The following ERN2 variants were observed in gnomAD, a reference collection of about 807,000 sequenced individuals.
The protein encoded by ERN2 is serine/threonine-protein kinase/endoribonuclease IRE2.
Under a neutral mutation model 107.9 loss-of-function variants are expected in ERN2, and 111 were observed. The ratio of observed to expected loss-of-function variants is 1.03; its 90% CI spans 0.88 to 1.20. The LOEUF is 1.20. Among genes scored for constraint, ERN2 ranks in the 50% most tolerant of loss-of-function variants. The probability of loss-of-function intolerance (pLI) is 0.00; values close to 1 mark genes in which losing one functional copy is unlikely to be tolerated. For synonymous variants in ERN2, 524 were observed against 501.7 expected, an observed-to-expected ratio of 1.04 and a Z score of -0.59; for missense variants, 1,225 against 1,197.9, an observed-to-expected ratio of 1.02 and a Z score of -0.33.
At chr16:23,710,598 TGAAAA>T (rs1207384730) in intron 2 of ERN2, 49 bp from the exon 3 acceptor site, 2 of 1,600,360 alleles carry the variant, frequency 1.2e-6, no homozygotes, top group South Asian at 2.2e-5. Context: ...CAGACCCCAC[TGAAAA>T]GCACAGCTCA....
intron 11 of ERN2, 55 bp downstream of exon 11, chr16:23,702,097 T>TC (rs1001454306): frequency 1.2e-5 from 19 of 1,562,796 alleles, no homozygotes; most frequent in South Asian, 3.5e-5. Context: ...CAAGGGCTAT[T>TC]CCCCCCATCT....
At chr16:23,707,158 T>C (rs1960354454) in intron 4 of ERN2, 79 bp from the exon 5 acceptor site, 2 of 965,704 alleles carry the variant, frequency 2.1e-6, no homozygotes, top group East Asian at 2.4e-5. Context: ...CCCATTTCCA[T>C]AGCAACCAAT....
Position 23,702,451 on chromosome 16 carries a change from G to A in ERN2, c.1020C>T (p.Pro340=), listed in dbSNP as rs1185925022. ...CTGAGGGGTATCTAACAGCAGTGCT[G>A]GGTGAGCCCTCTCGCTCTCCTGAGA... ...LQVSGEREGS[P]STAVRYPSGS... Residue 340 remains proline (P), a synonymous_variant, in exon 10 of 22, where the codon CCC becomes CCT. Coordinates refer to ENST00000256797, the MANE Select transcript of ERN2 (RefSeq NM_033266.4). The A allele has an allele frequency of 5.0e-6, 8 of 1,613,414 alleles. No individual in the cohort carries two copies. Among genetic ancestry groups the A allele is most frequent in the Non-Finnish European group, 6.8e-6 (8 of 1,180,042 alleles).
Position 23,695,997 on chromosome 16 carries a change from G to T in ERN2, c.1526-19C>A. ...TGCTCAGCTGGGGGAGAGGAGGGTG[G>T]TGACTCAGGGAGCCTCTGCCCACCT... On this transcript the variant is annotated intron_variant, in intron 13 of 21. Coordinates refer to ENST00000256797, the MANE Select transcript of ERN2 (RefSeq NM_033266.4). 2 of 1,599,928 alleles carry T rather than the reference G, an allele frequency of 1.3e-6. 1 individual carries two copies. Among genetic ancestry groups the T allele is most frequent in the Middle Eastern group, 3.3e-4 (2 of 6,028 alleles).
In ERN2 at chr16:23,706,757, T is replaced by C. The variant is rs1161139948; in HGVS notation, c.484A>G (p.Thr162Ala). 6.2e-7 allele frequency: 1 copy of C among 1,603,908 alleles called. No individual in the cohort carries two copies. The highest frequency in any genetic ancestry group is 8.5e-7 in the Non-Finnish European group (1 of 1,174,254). ...GAACAGCTGGGGCCCAACTCACGTGTTCGGCCAATGTAGAGGCGGGGGGTG... is the reference window on the plus strand; with the variant it reads ...GAACAGCTGGGGCCCAACTCACGTGCTCGGCCAATGTAGAGGCGGGGGGTG... ...PSTPRLYIGR[T>A]QYTVTMHDPR... is the part of the protein sequence containing the mutation. The change falls in exon 6 of 22, where the codon ACA (threonine) becomes GCA (alanine). Residue 162 changes from threonine (T) to alanine (A), a missense_variant. Transcript: ENST00000256797.
Position 23,691,949 on chromosome 16 carries a change from G to A in ERN2, c.2376+14C>T. ...TAGGACTTTTGGGGGCCATTCCCAA[G>A]CTTTCCTTCTGACCTGGAAGAACTG... On this transcript the variant is annotated intron_variant, in intron 19 of 21. Coordinates refer to ENST00000256797, the MANE Select transcript of ERN2 (RefSeq NM_033266.4). 6.2e-7 allele frequency: 1 copy of A among 1,609,576 alleles called. No individual in the cohort carries two copies. Among genetic ancestry groups the A allele is most frequent in the South Asian group, 1.1e-5 (1 of 90,670 alleles).
At chr16:23,695,725 A>C (rs12933878) in intron 14 of ERN2, among the ~76,000 whole-genome samples, 169 bp downstream of exon 14, 1 of 146,682 alleles carries the variant, frequency 6.8e-6, no homozygotes, top group African/African-American at 2.5e-5. Flanking sequence ...CAAGACTCAA[A>C]AAAAAAAAAA....
intron 8 of ERN2, among the ~76,000 whole-genome samples, chr16:23,704,033 G>A (rs1280972765): frequency 6.6e-6 from 1 of 152,196 alleles, no homozygotes; most frequent in Non-Finnish European, 1.5e-5. Context: ...AGACTCTAGT[G>A]AGACTGGCAC....
chr16:23,711,698 G>A (rs9935695), intron 1 of ERN2, among the ~76,000 whole-genome samples: 2,466 of 152,294 alleles, frequency 0.016, 74 homozygotes, highest in African/African-American at 0.055. Flanking sequence ...ACAGAGGAGG[G>A]AGACTGAGGC....
At position 23,701,086 on chromosome 16, in the gene ERN2, C is replaced by T; in HGVS notation, c.1232G>A (p.Trp411Ter). The change falls in exon 12 of 22, where the codon TGG becomes TAG. Residue 411 changes from tryptophan to a stop codon, truncating the protein, a stop_gained. Coordinates refer to ENST00000256797, the MANE Select transcript of ERN2 (RefSeq NM_033266.4). LOFTEE classifies it high-confidence loss of function. ...ELLSLSREKL[W>*]DSELHPEEKT... Reference sequence around the variant, plus strand: ...TTCTTCTGGATGCAGCTCGGAGTCCCAAAGTTTCTCTCGGCTCAGGCTCAA... The same window carrying T: ...TTCTTCTGGATGCAGCTCGGAGTCCTAAAGTTTCTCTCGGCTCAGGCTCAA... 6.2e-7 allele frequency: 1 copy of T among 1,614,084 alleles called. No individual in the cohort carries two copies. The highest frequency in any genetic ancestry group is 8.5e-7 in the Non-Finnish European group (1 of 1,179,976).
Position 23,692,283 on chromosome 16 carries a change from G to T in ERN2, c.2149C>A (p.Leu717Ile). The T allele has an allele frequency of 6.2e-7, 1 of 1,614,130 alleles. No individual in the cohort carries two copies. The highest frequency in any genetic ancestry group is 8.5e-7 in the Non-Finnish European group (1 of 1,180,042). ...FSAGCVFYYVLSGGSHPFGDS... is the reference protein window; with the variant it reads ...FSAGCVFYYVISGGSHPFGDS... ...CCAAAGGGGTGGCTGCCACCAGAAA[G>T]CACGTAGTAGAACACGCAGCCTGCA... Residue 717 changes from leucine (L) to isoleucine (I), a missense_variant, in exon 18 of 22, where the codon CTT (leucine) becomes ATT (isoleucine). Leu to Ile is a conservative substitution (Grantham distance 5). Coordinates refer to ENST00000256797, the MANE Select transcript of ERN2 (RefSeq NM_033266.4).
intron 13 of ERN2, 29 bp from the exon 14 acceptor site, chr16:23,696,007 G>A (rs1440861959): frequency 6.4e-7 from 1 of 1,574,280 alleles, no homozygotes; most frequent in Non-Finnish European, 8.7e-7. Flanking sequence ...GTGACTCAGG[G>A]AGCCTCTGCC....
At chr16:23,712,977 G>T in intron 1 of ERN2, 118 bp downstream of exon 1, 1 of 757,768 alleles carries the variant, frequency 1.3e-6, no homozygotes, top group Non-Finnish European at 2.0e-6. Flanking sequence ...GACCACCCAG[G>T]CGTGAGGGAG....
intron 14 of ERN2, among the ~76,000 whole-genome samples, 158 bp downstream of exon 14, chr16:23,695,736 A>C (rs1052996701): frequency 1.3e-5 from 2 of 151,276 alleles, no homozygotes; most frequent in African/African-American, 4.9e-5. Flanking sequence ...AAAAAAAAAA[A>C]AAAAAAAAAA....
intron 7 of ERN2, among the ~76,000 whole-genome samples, chr16:23,705,917 AAAAAT>A: frequency 6.6e-6 from 1 of 152,080 alleles, no homozygotes; most frequent in Admixed American, 6.6e-5. Context: ...CCATCTCACA[AAAAAT>A]GGTGGGGAGT....
chr16:23,706,527 G>T, intron 6 of ERN2, 96 bp from the exon 7 acceptor site: 1 of 942,492 alleles, frequency 1.1e-6, no homozygotes, highest in Non-Finnish European at 1.7e-6. Flanking sequence ...GGTTTCCTGA[G>T]CACACAGCCT....
Position 23,710,536 on chromosome 16 carries a change from T to C in ERN2, c.213A>G (p.Glu71=). The C allele has an allele frequency of 6.2e-7, 1 of 1,614,228 alleles. No individual in the cohort carries two copies. Among genetic ancestry groups the C allele is most frequent in the Middle Eastern group, 1.6e-4 (1 of 6,062 alleles). Residue 71 remains glutamate, a synonymous_variant, in exon 3 of 22, where the codon GAA becomes GAG. Transcript: ENST00000256797. The part of the protein sequence containing the change: ...KWTLRDDPVI[E]GPMYVTEMAF... ...CTTACTCTGTGACGTACATTGGTCC[T>C]TCGATGACGGGATCTGCAGGGACAG...
At chr16:23,711,876 C>A (rs1459691833) in intron 1 of ERN2, 3 of 203,266 alleles carry the variant, frequency 1.5e-5, no homozygotes, top group African/African-American at 7.1e-5. Context: ...CTCCCCAAAC[C>A]AGCCCAGCTG....
rs371070786 is a variant in ERN2 at position 23,695,292 on chromosome 16, T to C, written c.1708A>G (p.Arg570Gly). Residue 570 changes from arginine to glycine, a missense_variant, in exon 15 of 22, where the codon AGG becomes GGG. By Grantham distance (125) the Arg-to-Gly change is moderately radical. Coordinates refer to ENST00000256797, the MANE Select transcript of ERN2 (RefSeq NM_033266.4). ...REVQLLQESD[R>G]HPNVLRYFCT... ...AAGTAGCGGAGCACGTTGGGGTGCCTGTCAGACTCCTGCAGCAGTTGAACT... is the reference window on the plus strand; with the variant it reads ...AAGTAGCGGAGCACGTTGGGGTGCCCGTCAGACTCCTGCAGCAGTTGAACT... 6.2e-7 allele frequency: 1 copy of C among 1,613,984 alleles called. No individual in the cohort carries two copies.
Sources: gnomAD v4.1 joint callset for allele counts (sites outside exome capture counted in the v4.1 genomes callset) on GRCh38, gnomAD v4.1.1 for gene constraint, MANE v1.5 for transcripts, NCBI Gene and HGNC (gene_info 2026-07-23, HGNC 2026-07-21) for gene names.